The following ADSS1 variants were observed in gnomAD, a reference collection of about 807,000 sequenced individuals.
ADSS1 encodes the protein adenylosuccinate synthase 1, also known as adenylosuccinate synthetase isozyme 1.
In ADSS1, 57 loss-of-function variants were observed where a neutral mutation model predicts 59.1. The observed-to-expected ratio is 0.97, with a 90% CI of 0.78 to 1.20. ADSS1 has a LOEUF of 1.20. Ranked by LOEUF, ADSS1 falls within the 50% of genes most tolerant of loss-of-function variation. ADSS1 has a pLI of 0.00. For missense variants in ADSS1, 603 were observed against 610.3 expected (o/e 0.99, Z 0.13); for synonymous variants, 247 against 249.4 (o/e 0.99, Z 0.09).
chr14:104,742,400 G>A (rs1448146760), intron 9 of ADSS1, among the ~76,000 whole-genome samples: 1 of 152,238 alleles, frequency 6.6e-6, no homozygotes, highest in African/African-American at 2.4e-5. Flanking sequence ...TCCCCAGGTT[G>A]GGGGGTCCTC....
intron 1 of ADSS1, among the ~76,000 whole-genome samples, chr14:104,724,729 G>A (rs1467683155): frequency 6.6e-6 from 1 of 152,052 alleles, no homozygotes; most frequent in Non-Finnish European, 1.5e-5. Flanking sequence ...AATACAAGTC[G>A]CTGAGTTGGG....
At chr14:104,746,042 C>A in intron 11 of ADSS1, 194 bp from the exon 12 acceptor site, 1 of 610,306 alleles carries the variant, frequency 1.6e-6, no homozygotes, top group Non-Finnish European at 2.8e-6. Flanking sequence ...AGTGTCTGAG[C>A]CCCACTGCTG....
chr14:104,740,513 T>A lies in ADSS1; in HGVS notation c.477-88T>A. On this transcript the variant is annotated intron_variant, in intron 5 of 12. Coordinates refer to ENST00000330877, the MANE Select transcript of ADSS1 (RefSeq NM_152328.5). This position sits in a 1 kb window ranked among gnomAD's most constrained non-coding sequence, Gnocchi z 4.8. The stretch of plus-strand genomic sequence containing the variant: ...GCAGCAATGGTGGGCACTGGAGTCA[T>A]GAGCCGGCGGGGGTCATGGCCTCAG... 7.4e-6 allele frequency: 9 copies of A among 1,209,470 alleles called. No homozygotes were observed. Among genetic ancestry groups the A allele is most frequent in the Non-Finnish European group, 1.1e-5 (9 of 840,314 alleles). 74.9% of individuals were successfully genotyped at this position (1,209,470 alleles called of 1,614,324 possible). A position where few individuals can be genotyped will look rare whatever the true frequency, so the allele number is the denominator to read the frequency against.
chr14:104,725,193 G>A (rs1003093923), intron 1 of ADSS1, among the ~76,000 whole-genome samples: 3 of 152,142 alleles, frequency 2.0e-5, no homozygotes, highest in Non-Finnish European at 2.9e-5. Context: ...TCTGCCAGCC[G>A]GCAGCTGCTC....
At chr14:104,724,680 T>A (rs1014664032) in intron 1 of ADSS1, among the ~76,000 whole-genome samples, 1 of 151,246 alleles carries the variant, frequency 6.6e-6, no homozygotes, top group African/African-American at 2.4e-5. Flanking sequence ...CACCCACCCC[T>A]ACTCCACCAC....
At chr14:104,735,206 A>G (rs543621707) in intron 2 of ADSS1, 84 bp downstream of exon 2, 419 of 1,277,918 alleles carry the variant, frequency 3.3e-4, no homozygotes, top group Non-Finnish European at 4.3e-4. Flanking sequence ...GGCACGGGGC[A>G]CCAGAGCCTG....
At position 104,740,562 on chromosome 14, in the gene ADSS1, C is replaced by T. The variant is rs1197950226; in HGVS notation, c.477-39C>T. 1 of 1,595,182 alleles carries T rather than the reference C, an allele frequency of 6.3e-7. No homozygotes were observed. Reference sequence around the variant, plus strand: ...AGTGGGATGCCTGAGCTCCTCAGGGCTCCTGGGTTCTCATGGGTACCCACT... The same window carrying T: ...AGTGGGATGCCTGAGCTCCTCAGGGTTCCTGGGTTCTCATGGGTACCCACT... On this transcript the variant is annotated intron_variant, in intron 5 of 12. Coordinates refer to ENST00000330877, the MANE Select transcript of ADSS1 (RefSeq NM_152328.5). The surrounding 1 kb of genome is among the most constrained non-coding windows in gnomAD (Gnocchi z 4.8).
At chr14:104,739,474 C>T (rs972998980) in intron 4 of ADSS1, 96 bp downstream of exon 4, 6 of 1,378,160 alleles carry the variant, frequency 4.4e-6, no homozygotes, top group African/African-American at 4.3e-5. Flanking sequence ...CAGGGAAGTC[C>T]CCAAGGCCTT....
rs1891301682 is a variant in ADSS1 at position 104,740,447 on chromosome 14, A to G, written c.477-154A>G. ...TACCAGTACATCCATGCTAGTGCGT[A>G]CACCCACACACGCACACACTCACAG... On this transcript the variant is annotated intron_variant, in intron 5 of 12. Coordinates refer to ENST00000330877, the MANE Select transcript of ADSS1 (RefSeq NM_152328.5). The surrounding 1 kb of genome is among the most constrained non-coding windows in gnomAD (Gnocchi z 4.8). 6.6e-6 allele frequency among the ~76,000 whole-genome samples: 1 copy of G among 152,092 alleles called. No homozygotes were observed. The highest frequency in any genetic ancestry group is 2.4e-5 in the African/African-American group (1 of 41,402).
At chr14:104,733,083 A>AC (rs1890989260) in intron 1 of ADSS1, among the ~76,000 whole-genome samples, 1 of 148,276 alleles carries the variant, frequency 6.7e-6, no homozygotes, top group Non-Finnish European at 1.5e-5. Context: ...CTGACCCTCC[A>AC]CCCCCACCCT....
intron 2 of ADSS1, 24 bp downstream of exon 2, chr14:104,735,146 G>A (rs768713180): frequency 1.3e-6 from 2 of 1,576,012 alleles, no homozygotes; most frequent in Non-Finnish European, 1.7e-6. Context: ...CCCGACCTGT[G>A]TGTGAGCAGG....
rs1595208042 is a variant in ADSS1, at chr14:104,739,952, T to TGG, written c.476+136_476+137insGG. The TGG allele has an allele frequency of 2.5e-5, 23 of 936,032 alleles. No homozygotes were observed. In the East Asian group the frequency reaches 6.1e-4, roughly 25 times the overall value. 58.0% of individuals were successfully genotyped at this position (936,032 alleles called of 1,614,324 possible). On this transcript the variant is annotated intron_variant, in intron 5 of 12. Transcript: ENST00000330877. Reference sequence around the variant, plus strand: ...TCAAAGCCCCTGGAGAATGGCACCGTCAAAATTCCACAGCGCATCACCCAA... The same window carrying TGG: ...TCAAAGCCCCTGGAGAATGGCACCGTGGCAAAATTCCACAGCGCATCACCCAA...
chr14:104,726,422 G>GTCT (rs1890719811), intron 1 of ADSS1, among the ~76,000 whole-genome samples: 1 of 152,224 alleles, frequency 6.6e-6, no homozygotes, highest in South Asian at 2.1e-4. Flanking sequence ...TCAGGGACTG[G>GTCT]TCTTCTTTGG....
At chr14:104,745,270 C>G (rs1891513981) in intron 11 of ADSS1, 1 of 248,524 alleles carries the variant, frequency 4.0e-6, no homozygotes, top group South Asian at 5.9e-5. Context: ...GCGGTCGGCT[C>G]TGGAAGATGT....
Position 104,724,445 on chromosome 14 carries a change from A to C in ADSS1, c.175A>C (p.Ile59Leu). The C allele has an allele frequency of 8.0e-7, 1 of 1,255,484 alleles. No homozygotes were observed. The highest frequency in any genetic ancestry group is 1.0e-6 in the Non-Finnish European group (1 of 995,582). The allele number at this position is 1,255,484 out of a possible 1,614,324, so 77.8% of individuals were successfully genotyped here. ...GGACCTGCTGGCCACGGACGCCGAC[A>C]TCATCAGCCGCTGCCAGGTGCGGGC... The part of the protein sequence containing the change: ...VVDLLATDAD[I>L]ISRCQGGNNA... The change falls in exon 1 of 13, where the codon ATC becomes CTC. Residue 59 changes from isoleucine to leucine, a missense_variant. Physicochemically the swap from Ile to Leu is conservative, Grantham distance 5. Transcript: ENST00000330877.
At chr14:104,737,109 A>C (rs887208052) in intron 2 of ADSS1, 20 of 152,042 alleles carry the variant, frequency 1.3e-4, no homozygotes, top group Admixed American at 3.3e-4. Flanking sequence ...CCCAGAGTAC[A>C]TAGTCACCTC....
Position 104,729,533 on chromosome 14 carries a change from TCG to T in ADSS1, c.192+5072_192+5073del, listed in dbSNP as rs1486347885. On this transcript the variant is annotated intron_variant, in intron 1 of 12. Coordinates refer to ENST00000330877, the MANE Select transcript of ADSS1 (RefSeq NM_152328.5). ...GTGGGGGAGGAGCGTGGCGTCGGCG[TCG>T]TGGGGAGGAGCGTGGCGTCGGCGTG... 3.7e-3 allele frequency among the ~76,000 whole-genome samples: 283 copies of T among 76,012 alleles called. 21 individuals are homozygous for T. Among genetic ancestry groups the T allele is most frequent in the African/African-American group, 4.1e-3 (54 of 13,268 alleles). The allele number at this position is 76,012 out of a possible 152,430, so 49.9% of individuals were successfully genotyped here. A position where few individuals can be genotyped will look rare whatever the true frequency, so the allele number is the denominator to read the frequency against.
chr14:104,739,757 T>C lies in ADSS1; in HGVS notation c.417T>C (p.Asp139=). 6.2e-7 allele frequency: 1 copy of C among 1,613,868 alleles called. No homozygotes were observed. Among genetic ancestry groups the C allele is most frequent in the Non-Finnish European group, 8.5e-7 (1 of 1,179,980 alleles). ...IISDRAHLVF[D]FHQAVDGLQE... ...ACCTGGCCCGCCCGACAGTGTTTGA[T>C]TTTCACCAGGCTGTCGACGGACTTC... The change falls in exon 5 of 13, where the codon GAT becomes GAC. Residue 139 remains aspartate (D), a synonymous_variant. Coordinates refer to ENST00000330877, the MANE Select transcript of ADSS1 (RefSeq NM_152328.5).
chr14:104,739,863 G>A (rs780490455), intron 5 of ADSS1, 47 bp downstream of exon 5: 14 of 1,596,026 alleles, frequency 8.8e-6, no homozygotes, highest in Admixed American at 3.3e-5. Context: ...TTCTGGGCCC[G>A]TAAGCCGGTA....
Sources: gnomAD v4.1 joint callset for allele counts (sites outside exome capture counted in the v4.1 genomes callset) on GRCh38, gnomAD v4.1.1 for gene constraint, Gnocchi (gnomAD v3.1) non-coding constraint, MANE v1.5 for transcripts, NCBI Gene and HGNC (gene_info 2026-07-23, HGNC 2026-07-21) for gene names.